CECR2: variants seen among roughly 807,000 people sequenced by gnomAD.
CECR2 encodes chromatin remodeling regulator CECR2.
CECR2 carries 30 observed loss-of-function variants against 154.5 expected under a neutral mutation model. The observed-to-expected ratio is 0.19, with a 90% CI of 0.15 to 0.26. The LOEUF is 0.26. Among genes scored for constraint, CECR2 ranks in the 10% least tolerant of loss-of-function variants. The probability of loss-of-function intolerance (pLI) is 1.00; values close to 1 mark genes in which losing one functional copy is unlikely to be tolerated. For synonymous variants in CECR2, 725 were observed against 683.7 expected, an observed-to-expected ratio of 1.06 and a Z score of -0.94; for missense variants, 1,743 against 1,829.3, an observed-to-expected ratio of 0.95 and a Z score of 0.86.
intron 9 of CECR2, among the ~76,000 whole-genome samples, chr22:17,531,628 A>G (rs1262989584): frequency 6.6e-6 from 1 of 152,240 alleles, no homozygotes; most frequent in Non-Finnish European, 1.5e-5. Context: ...AAGAATCAGT[A>G]TAGTAAGGCC....
At position 17,377,505 on chromosome 22, in the gene CECR2, C is replaced by T. The variant is rs535460888; in HGVS notation, c.126+7596C>T. ...TTTGAACCCCTGAGCTCAAGTGATC[C>T]TCCTGCCTCAGCCTCCCCAGTAGCT... On this transcript the variant is annotated intron_variant, in intron 1 of 18. Coordinates refer to ENST00000262608, the MANE Select transcript of CECR2 (RefSeq NM_001290047.2). 9.2e-5 allele frequency among the ~76,000 whole-genome samples: 14 copies of T among 152,034 alleles called. No homozygotes were observed. The East Asian group carries it at 2.7e-3, about 29-fold the overall frequency.
At chr22:17,443,804 C>T (rs1427716750) in intron 1 of CECR2, among the ~76,000 whole-genome samples, 1 of 152,066 alleles carries the variant, frequency 6.6e-6, no homozygotes, top group Non-Finnish European at 1.5e-5. Flanking sequence ...GGGGTGTCAG[C>T]TCTTAAGATC....
chr22:17,451,882 A>C (rs1348355093), intron 1 of CECR2, among the ~76,000 whole-genome samples: 1 of 152,210 alleles, frequency 6.6e-6, no homozygotes, highest in African/African-American at 2.4e-5. Flanking sequence ...TAAATCATAC[A>C]ACTGTCTCAA....
In CECR2 at chr22:17,537,224, T is replaced by G. The variant is rs1040486730; in HGVS notation, c.1230T>G (p.Thr410=). ...PNSPMREEKK[T]KDLFELDDDF... is the part of the protein sequence containing the mutation. ...CCCCCATGAGAGAGGAAAAAAAGAC[T>G]AAAGACCTGTGAGTATTTAGTAACA... Residue 410 remains threonine (T), a synonymous_variant, in exon 10 of 19, where the codon ACT becomes ACG. Coordinates refer to ENST00000262608, the MANE Select transcript of CECR2 (RefSeq NM_001290047.2). 1.2e-6 allele frequency: 2 copies of G among 1,613,778 alleles called. No individual in the cohort carries two copies. The highest frequency in any genetic ancestry group is 1.7e-6 in the Non-Finnish European group (2 of 1,179,850).
intron 2 of CECR2, among the ~76,000 whole-genome samples, chr22:17,494,376 C>G (rs541569207): frequency 2.6e-5 from 4 of 152,116 alleles, no homozygotes; most frequent in Non-Finnish European, 4.4e-5. Context: ...TCAAATTCAC[C>G]GTTACGACAC....
At chr22:17,391,871 C>T (rs1429279123) in intron 1 of CECR2, among the ~76,000 whole-genome samples, 9 of 152,288 alleles carry the variant, frequency 5.9e-5, no homozygotes, top group Admixed American at 3.3e-4. Context: ...GCGCAATCTC[C>T]GCTCACTGTA....
intron 16 of CECR2, among the ~76,000 whole-genome samples, chr22:17,547,484 C>T (rs973040746): frequency 6.6e-6 from 1 of 152,162 alleles, no homozygotes; most frequent in Non-Finnish European, 1.5e-5. Context: ...CCCGCCTCGG[C>T]CTCCCAAAAT....
intron 1 of CECR2, among the ~76,000 whole-genome samples, chr22:17,411,994 A>G (rs1236694914): frequency 6.6e-6 from 1 of 152,190 alleles, no homozygotes; most frequent in Non-Finnish European, 1.5e-5. Context: ...TAAATGGACT[A>G]ACAGTGCTAA....
chr22:17,410,905 A>G (rs2054058968), intron 1 of CECR2, among the ~76,000 whole-genome samples: 1 of 152,200 alleles, frequency 6.6e-6, no homozygotes, highest in South Asian at 2.1e-4. Flanking sequence ...GCTGGAAAGG[A>G]TGTTAGAGAT....
chr22:17,514,420 T>G (rs1232903776), intron 8 of CECR2, among the ~76,000 whole-genome samples: 1 of 152,186 alleles, frequency 6.6e-6, no homozygotes, highest in Non-Finnish European at 1.5e-5. Flanking sequence ...TTTTAAAGTG[T>G]TGTTTCTCAT....
chr22:17,499,513 T>G lies in CECR2; in HGVS notation c.509T>G (p.Val170Gly). Residue 170 changes from valine to glycine, a missense_variant, in exon 4 of 19, where the codon GTG (valine) becomes GGG (glycine). By Grantham distance (109) the Val-to-Gly change is moderately radical. Around this residue, in one of 4 missense-constraint regions of CECR2, gnomAD observed 98 missense variants for 169.3 expected, o/e 0.58. Coordinates refer to ENST00000262608, the MANE Select transcript of CECR2 (RefSeq NM_001290047.2). Reference sequence around the variant, plus strand: ...ACACGAATGTACAAAGAGGACCCGGTGCAAGGAAAATCCAATGGAGAACTC... The same window carrying G: ...ACACGAATGTACAAAGAGGACCCGGGGCAAGGAAAATCCAATGGAGAACTC... ...YGTRMYKEDP[V>G]QGKSNGELSL... 1 of 1,613,282 alleles carries G rather than the reference T, an allele frequency of 6.2e-7. No homozygotes were observed. The highest frequency in any genetic ancestry group is 8.5e-7 in the Non-Finnish European group (1 of 1,179,572).
chr22:17,515,946 A>T (rs993016905), intron 8 of CECR2, among the ~76,000 whole-genome samples: 10 of 152,328 alleles, frequency 6.6e-5, no homozygotes, highest in Admixed American at 2.0e-4. Context: ...AAGTGCTGGG[A>T]TTACAGGCGT....
intron 8 of CECR2, among the ~76,000 whole-genome samples, chr22:17,517,475 A>G (rs529098152): frequency 1.3e-5 from 2 of 152,364 alleles, no homozygotes; most frequent in South Asian, 4.1e-4. Flanking sequence ...GTTAAGTTAT[A>G]TATTATGCCA....
intron 2 of CECR2, among the ~76,000 whole-genome samples, chr22:17,489,184 C>T (rs1191133233): frequency 6.6e-6 from 1 of 152,214 alleles, no homozygotes; most frequent in African/African-American, 2.4e-5. Flanking sequence ...TCACCCGCCT[C>T]GGCCTCCCAA....
chr22:17,448,296 G>A (rs1476235057), intron 1 of CECR2, among the ~76,000 whole-genome samples: 1 of 152,110 alleles, frequency 6.6e-6, no homozygotes, highest in Non-Finnish European at 1.5e-5. Context: ...GGAACAATCA[G>A]GGCAGATTAG....
chr22:17,382,198 C>T (rs2063206243), intron 1 of CECR2, among the ~76,000 whole-genome samples: 1 of 151,880 alleles, frequency 6.6e-6, no homozygotes, highest in Non-Finnish European at 1.5e-5. Context: ...CCAGAGAGCC[C>T]CTTCCTCATA....
At chr22:17,430,626 G>T (rs555180684) in intron 1 of CECR2, among the ~76,000 whole-genome samples, 1 of 152,262 alleles carries the variant, frequency 6.6e-6, no homozygotes, top group East Asian at 1.9e-4. Flanking sequence ...AGGAAAGAAG[G>T]GTTCATCCTA....
intron 9 of CECR2, 112 bp downstream of exon 9, chr22:17,524,383 A>ATTTATTTTTTTTTTTTTTTTTTTTTT: frequency 3.0e-6 from 2 of 666,352 alleles, no homozygotes; most frequent in Non-Finnish European, 2.2e-6. Flanking sequence ...GTTTCCGGCA[A>ATTTATTTTTTTTTTTTTTTTTTTTTT]TTTCTTTTTT....
intron 8 of CECR2, among the ~76,000 whole-genome samples, chr22:17,523,068 A>G (rs2056186816): frequency 6.6e-6 from 1 of 152,030 alleles, no homozygotes; most frequent in South Asian, 2.1e-4. Context: ...TCAAATGAGA[A>G]TCTAAACCAG....
Sources: gnomAD v4.1 joint callset for allele counts (sites outside exome capture counted in the v4.1 genomes callset) on GRCh38, gnomAD v4.1.1 for gene constraint, gnomAD v4.1.1 regional missense constraint, MANE v1.5 for transcripts, NCBI Gene and HGNC (gene_info 2026-07-23, HGNC 2026-07-21) for gene names.